ADAMTSL1: variants seen among roughly 807,000 people sequenced by gnomAD.
ADAMTSL1 encodes the protein ADAMTS like 1, also known as ADAMTS-like protein 1.
A neutral mutation model predicts 201.8 loss-of-function variants in ADAMTSL1; 126 were observed. That is an observed-to-expected ratio of 0.62 (90% CI 0.54 to 0.72). The LOEUF (loss-of-function observed/expected upper bound fraction) is 0.72. ADAMTSL1 is among the 30% of genes least tolerant of loss of function. The probability of loss-of-function intolerance (pLI) is 0.00; values close to 1 mark genes in which losing one functional copy is unlikely to be tolerated. For missense variants in ADAMTSL1, 2,679 were observed against 2,277.8 expected, an observed-to-expected ratio of 1.18 and a Z score of -3.59; for synonymous variants, 1,121 against 903.4, an observed-to-expected ratio of 1.24 and a Z score of -4.32.
In ADAMTSL1 at chr9:18,461,928, T is replaced by G. The variant is rs530232340; in HGVS notation, c.208-42901T>G. ...CCCTTGCCGCATATACTAAACTCCG[T>G]GCATTCTCAAATCCAGCACTCTCAA... On this transcript the variant is annotated intron_variant, in intron 2 of 29. Transcript: ENST00000680146. Among the ~76,000 whole-genome samples, 9 of 152,254 alleles carry G rather than the reference T, an allele frequency of 5.9e-5. No homozygotes were observed. In the East Asian group the frequency reaches 1.7e-3, roughly 29 times the overall value.
At chr9:18,154,444 TG>T (rs1278357138) in intron 1 of ADAMTSL1, among the ~76,000 whole-genome samples, 2 of 152,042 alleles carry the variant, frequency 1.3e-5, no homozygotes, top group African/African-American at 4.8e-5. Flanking sequence ...TGGGTTCAGC[TG>T]GGACACTGGA....
intron 1 of ADAMTSL1, among the ~76,000 whole-genome samples, chr9:18,044,196 C>G (rs944185616): frequency 3.3e-5 from 5 of 151,494 alleles, no homozygotes; most frequent in African/African-American, 1.2e-4. Flanking sequence ...GACCAAGTGC[C>G]AAGTGGCTAA....
chr9:18,670,797 C>T (rs527753771), intron 9 of ADAMTSL1, among the ~76,000 whole-genome samples: 1 of 152,204 alleles, frequency 6.6e-6, no homozygotes, highest in African/African-American at 2.4e-5. Context: ...TAAAGAAAAA[C>T]TTGTGAAATA....
At chr9:18,451,883 A>G (rs918781870) in intron 2 of ADAMTSL1, among the ~76,000 whole-genome samples, 32 of 152,326 alleles carry the variant, frequency 2.1e-4, no homozygotes, top group Middle Eastern at 6.8e-3. Flanking sequence ...GCAAGAGAGG[A>G]TGAGAGTGAG....
chr9:18,851,983 T>G (rs1203358694), intron 23 of ADAMTSL1, among the ~76,000 whole-genome samples: 1 of 152,178 alleles, frequency 6.6e-6, no homozygotes, highest in East Asian at 1.9e-4. Flanking sequence ...AATTATCATT[T>G]TAGAGAGACA....
intron 5 of ADAMTSL1, among the ~76,000 whole-genome samples, chr9:18,625,704 T>C (rs1826319033): frequency 6.6e-6 from 1 of 152,212 alleles, no homozygotes; most frequent in Non-Finnish European, 1.5e-5. Context: ...CCAAGTATAC[T>C]CAGAATATTC....
At chr9:18,204,384 T>C (rs1829565330) in intron 2 of ADAMTSL1, among the ~76,000 whole-genome samples, 1 of 152,064 alleles carries the variant, frequency 6.6e-6, no homozygotes, top group African/African-American at 2.4e-5. Flanking sequence ...GTGCCTTACT[T>C]CCACTTTGCC....
At chr9:18,247,704 C>A (rs1323470404) in intron 2 of ADAMTSL1, among the ~76,000 whole-genome samples, 1 of 152,080 alleles carries the variant, frequency 6.6e-6, no homozygotes, top group Non-Finnish European at 1.5e-5. Context: ...TGAAGAAGCC[C>A]TGTGGCTACA....
intron 1 of ADAMTSL1, among the ~76,000 whole-genome samples, chr9:18,117,869 C>T (rs533640600): frequency 3.9e-5 from 6 of 152,268 alleles, no homozygotes; most frequent in African/African-American, 1.4e-4. Context: ...TACCTTGCTT[C>T]TCCATTCACT....
intron 26 of ADAMTSL1, 103 bp downstream of exon 26, chr9:18,892,699 T>C (rs2131563136): frequency 1.5e-6 from 2 of 1,329,174 alleles, no homozygotes; most frequent in African/African-American, 2.9e-5. Context: ...ACCTCCTCCT[T>C]TCACATTCTG....
chr9:18,682,449 A>G (rs1830562299), intron 12 of ADAMTSL1, among the ~76,000 whole-genome samples: 2 of 152,242 alleles, frequency 1.3e-5, no homozygotes, highest in Admixed American at 6.5e-5. Flanking sequence ...TTCCAGAACC[A>G]TAATTTAAAA....
At chr9:18,286,430 C>T (rs1832995298) in intron 2 of ADAMTSL1, among the ~76,000 whole-genome samples, 1 of 152,072 alleles carries the variant, frequency 6.6e-6, no homozygotes, top group Non-Finnish European at 1.5e-5. Flanking sequence ...AGATACTTGA[C>T]TAGTTAGCTG....
In ADAMTSL1 at chr9:18,906,878, C is replaced by G; in HGVS notation, c.5148C>G (p.Asn1716Lys). 1 of 1,613,984 alleles carries G rather than the reference C, an allele frequency of 6.2e-7. No individual in the cohort carries two copies. The highest frequency in any genetic ancestry group is 8.5e-7 in the Non-Finnish European group (1 of 1,179,882). ...GCTCCTGGGGGCCCCGGCCTGCCAA[C>G]TGGCAGCGCTGCAACATCACCCCAT... is the stretch of plus-strand genomic sequence containing the variant. ...HLCSWGPRPA[N>K]WQRCNITPCE... The change falls in exon 28 of 29, where the codon AAC (asparagine) becomes AAG (lysine). Residue 1716 changes from asparagine (N) to lysine (K), a missense_variant. Coordinates refer to ENST00000380548, the MANE Select transcript of ADAMTSL1 (RefSeq NM_001040272.6).
chr9:18,538,197 A>T (rs902129604), intron 3 of ADAMTSL1, among the ~76,000 whole-genome samples: 11 of 152,068 alleles, frequency 7.2e-5, no homozygotes, highest in Non-Finnish European at 1.5e-5. Context: ...GGTTGTGTGG[A>T]CTAGAGTGGC....
chr9:18,516,737 A>G (rs532702024), intron 2 of ADAMTSL1, among the ~76,000 whole-genome samples: 4 of 152,336 alleles, frequency 2.6e-5, no homozygotes, highest in East Asian at 1.9e-4. Context: ...CAAGTGTTCC[A>G]TAAATATTTG....
chr9:18,333,211 A>G (rs781497774), intron 2 of ADAMTSL1, among the ~76,000 whole-genome samples: 4 of 152,244 alleles, frequency 2.6e-5, no homozygotes, highest in Admixed American at 1.3e-4. Flanking sequence ...CCCCACCTAA[A>G]TCTCATCTTG....
chr9:18,706,334 A>G (rs1356809102), intron 13 of ADAMTSL1, among the ~76,000 whole-genome samples: 1 of 152,174 alleles, frequency 6.6e-6, no homozygotes, highest in African/African-American at 2.4e-5. Flanking sequence ...TTTCATTGCC[A>G]TCTTGGTTTG....
At chr9:18,589,749 A>G (rs1823787743) in intron 4 of ADAMTSL1, among the ~76,000 whole-genome samples, 1 of 152,114 alleles carries the variant, frequency 6.6e-6, no homozygotes, top group Admixed American at 6.6e-5. Context: ...TTCCTTCTAT[A>G]CCCAATTTGT....
chr9:18,550,590 G>A (rs1820739553), intron 3 of ADAMTSL1, among the ~76,000 whole-genome samples: 1 of 151,868 alleles, frequency 6.6e-6, no homozygotes, highest in Non-Finnish European at 1.5e-5. Flanking sequence ...GCATTTGGAT[G>A]TGGATTCATC....
Sources: gnomAD v4.1 joint callset for allele counts (sites outside exome capture counted in the v4.1 genomes callset) on GRCh38, gnomAD v4.1.1 for gene constraint, MANE v1.5 for transcripts, NCBI Gene and HGNC (gene_info 2026-07-23, HGNC 2026-07-21) for gene names.